The following DNAH10 variants were observed in gnomAD, a reference collection of about 807,000 sequenced individuals.
The protein encoded by DNAH10 is dynein axonemal heavy chain 10.
Under a neutral mutation model 506.6 loss-of-function variants are expected in DNAH10, and 348 were observed. That is an observed-to-expected ratio of 0.69 (90% CI 0.63 to 0.75). The LOEUF is 0.75. DNAH10 is among the 30% of genes least tolerant of loss of function. The probability of loss-of-function intolerance (pLI) is 0.00; values close to 1 mark genes in which losing one functional copy is unlikely to be tolerated. For synonymous variants in DNAH10, 2,059 were observed against 2,198.6 expected, an observed-to-expected ratio of 0.94 and a Z score of 1.78; for missense variants, 5,179 against 5,787.1, an observed-to-expected ratio of 0.89 and a Z score of 3.41.
chr12:123,780,323 A>T (rs1324984263), intron 5 of DNAH10, among the ~76,000 whole-genome samples: 1 of 151,802 alleles, frequency 6.6e-6, no homozygotes, highest in Non-Finnish European at 1.5e-5. Context: ...GCACCACCAC[A>T]CCCAGCTGAT....
At chr12:123,786,875 C>T (rs981871334) in intron 9 of DNAH10, among the ~76,000 whole-genome samples, 2 of 152,086 alleles carry the variant, frequency 1.3e-5, no homozygotes, top group African/African-American at 2.4e-5. Context: ...CGGTGGCTCA[C>T]GCCTGTAATT....
chr12:123,866,228 A>ATTTTT (rs1951800307), intron 41 of DNAH10, among the ~76,000 whole-genome samples, 155 bp downstream of exon 41: 3 of 54,310 alleles, frequency 5.5e-5, no homozygotes, highest in Non-Finnish European at 8.1e-5. Flanking sequence ...TGGCAGACAC[A>ATTTTT]CTTTTTTTTT....
At chr12:123,887,582 T>C (rs1352149333) in intron 52 of DNAH10, among the ~76,000 whole-genome samples, 1 of 152,080 alleles carries the variant, frequency 6.6e-6, no homozygotes, top group Non-Finnish European at 1.5e-5. Flanking sequence ...CATCTGGCCG[T>C]GCCCCGGGCT....
At chr12:123,843,507 G>A (rs932461015) in intron 30 of DNAH10, among the ~76,000 whole-genome samples, 2 of 152,036 alleles carry the variant, frequency 1.3e-5, no homozygotes, top group African/African-American at 2.4e-5. Flanking sequence ...TTAGGTTTTC[G>A]CTGCACCACA....
intron 34 of DNAH10, among the ~76,000 whole-genome samples, chr12:123,849,722 A>G (rs1426754398): frequency 6.6e-6 from 1 of 152,084 alleles, no homozygotes; most frequent in African/African-American, 2.4e-5. Flanking sequence ...ACTCCTATAC[A>G]TCCTTTAGAG....
intron 37 of DNAH10, among the ~76,000 whole-genome samples, chr12:123,857,682 C>T (rs536670851): frequency 2.6e-4 from 39 of 152,340 alleles, no homozygotes; most frequent in African/African-American, 9.1e-4. Context: ...GAGCCAAGAT[C>T]GTGCCACTGC....
Position 123,881,699 on chromosome 12 carries a change from A to T in DNAH10, c.8709A>T (p.Leu2903Phe), listed in dbSNP as rs1428743263. 1.9e-5 allele frequency: 30 copies of T among 1,550,468 alleles called. No individual in the cohort carries two copies. Among genetic ancestry groups the T allele is most frequent in the African/African-American group, 2.7e-5 (2 of 72,964 alleles). ...TCTTCGACGATGCTCTGGAGCATTT[A>T]ACCCGGGTGCACCGTATCATCCGCA... ...LVLFDDALEHLTRVHRIIRMD... is the reference protein window; with the variant it reads ...LVLFDDALEHFTRVHRIIRMD... The change falls in exon 51 of 79, where the codon TTA becomes TTT. Residue 2903 changes from leucine to phenylalanine, a missense_variant. This residue lies in a region of DNAH10 where 4,844 missense variants were observed against 5,430.5 expected (regional missense o/e 0.89). Coordinates refer to ENST00000673944, the MANE Select transcript of DNAH10 (RefSeq NM_001372106.1).
chr12:123,935,302 C>T (rs749635487), intron 78 of DNAH10, 33 bp from the exon 79 acceptor site: 12 of 1,590,666 alleles, frequency 7.5e-6, no homozygotes, highest in East Asian at 2.3e-5. Context: ...ACCCTCTCTC[C>T]GTGGGGGCAT....
intron 5 of DNAH10, among the ~76,000 whole-genome samples, chr12:123,779,138 C>T (rs562993596): frequency 2.6e-5 from 4 of 152,178 alleles, no homozygotes; most frequent in South Asian, 2.1e-4. Context: ...CTCCTGACCT[C>T]GCGATTCACC....
chr12:123,781,188 A>C lies in DNAH10; in HGVS notation c.730A>C (p.Met244Leu). 6.2e-7 allele frequency: 1 copy of C among 1,613,952 alleles called. No homozygotes were observed. The highest frequency in any genetic ancestry group is 8.5e-7 in the Non-Finnish European group (1 of 1,179,814). ...SSEHESDLPP[M>L]PGEAVEYHSI... ...TGAGCATGAATCAGACCTGCCGCCC[A>C]TGCCTGGGGAGGCAGTAGAATATCA... Residue 244 changes from methionine to leucine, a missense_variant, in exon 6 of 79, where the codon ATG (methionine) becomes CTG (leucine). By Grantham distance (15) the Met-to-Leu change is conservative. Transcript: ENST00000673944.
chr12:123,864,743 T>G lies in DNAH10; in HGVS notation c.7044+13T>G, dbSNP rs1192115180. 1.9e-6 allele frequency: 3 copies of G among 1,592,496 alleles called. No homozygotes were observed. Among genetic ancestry groups the G allele is most frequent in the Non-Finnish European group, 1.7e-6 (2 of 1,171,974 alleles). ...CCTGCTCTTTGAGGCAAGTAGTGAT[T>G]AAAAGTAAATTTGAACATAAATCTT... On this transcript the variant is annotated intron_variant, in intron 40 of 78. Transcript: ENST00000673944.
Position 123,762,675 on chromosome 12 carries a change from A to G in DNAH10, c.214+125A>G. On this transcript the variant is annotated intron_variant, in intron 1 of 78. Coordinates refer to ENST00000673944, the MANE Select transcript of DNAH10 (RefSeq NM_001372106.1). The surrounding 1 kb of genome is among the most constrained non-coding windows in gnomAD (Gnocchi z 5.0). ...CCCCGGCCTCAGGTGCTGTCCACAA[A>G]CGCTGCCGCCCGCCACGTGCAGGCC... The G allele has an allele frequency of 1.0e-6, 1 of 988,496 alleles. No individual in the cohort carries two copies. The highest frequency in any genetic ancestry group is 1.4e-6 in the Non-Finnish European group (1 of 712,862). The allele number at this position is 988,496 out of a possible 1,614,324, so 61.2% of individuals were successfully genotyped here.
At position 123,837,129 on chromosome 12, in the gene DNAH10, A is replaced by G. The variant is rs1033666532; in HGVS notation, c.4903-1327A>G. ...GCCTCCAAAAGTGCTGGGATTACAG[A>G]TGTGAGCCACTGTGCCCAGCCGGTG... On this transcript the variant is annotated intron_variant, in intron 28 of 78. Coordinates refer to ENST00000673944, the MANE Select transcript of DNAH10 (RefSeq NM_001372106.1). Among the ~76,000 whole-genome samples the G allele has an allele frequency of 3.0e-4, 44 of 146,414 alleles. 1 individual carries two copies. The highest frequency in any genetic ancestry group is 8.3e-4 in the African/African-American group (33 of 39,912).
Position 123,929,230 on chromosome 12 carries a change from T to C in DNAH10, c.12307-45T>C, listed in dbSNP as rs1466776087. ...CATTGTGCACACTCTTCCAAGCTTG[T>C]GGGCCTGCGGTCTCCATCACTGTGT... On this transcript the variant is annotated intron_variant, in intron 70 of 78. Coordinates refer to ENST00000673944, the MANE Select transcript of DNAH10 (RefSeq NM_001372106.1). 3 of 1,542,508 alleles carry C rather than the reference T, an allele frequency of 1.9e-6. No homozygotes were observed. In the African/African-American group the frequency reaches 4.1e-5, roughly 21 times the overall value.
Position 123,772,937 on chromosome 12 carries a change from C to A in DNAH10, c.500C>A (p.Thr167Asn). Residue 167 changes from threonine to asparagine, a missense_variant, in exon 4 of 79, where the codon ACC becomes AAC. By Grantham distance (65) the Thr-to-Asn change is moderately conservative. Coordinates refer to ENST00000673944, the MANE Select transcript of DNAH10 (RefSeq NM_001372106.1). ...DQNVVFFLRN[T>N]KEAISEATDM... ...AACGTGGTGTTTTTCCTCAGAAATA[C>A]CAAAGGTACATTTCTGGCACGTGTG... is the stretch of plus-strand genomic sequence containing the variant. The A allele has an allele frequency of 6.2e-7, 1 of 1,608,152 alleles. No homozygotes were observed. The highest frequency in any genetic ancestry group is 8.5e-7 in the Non-Finnish European group (1 of 1,175,276).
intron 18 of DNAH10, among the ~76,000 whole-genome samples, chr12:123,806,380 C>T (rs772623548): frequency 6.6e-6 from 1 of 152,094 alleles, no homozygotes; most frequent in African/African-American, 2.4e-5. Flanking sequence ...GTGACTCGTC[C>T]GGGACCACAC....
intron 9 of DNAH10, among the ~76,000 whole-genome samples, chr12:123,786,339 A>ATT (rs528766304): frequency 1.1e-4 from 15 of 138,604 alleles, no homozygotes; most frequent in African/African-American, 3.9e-4. Context: ...AGTACAATTC[A>ATT]TTTTTTTTTT....
intron 25 of DNAH10, among the ~76,000 whole-genome samples, chr12:123,829,973 C>A (rs76431055): frequency 6.6e-6 from 1 of 152,202 alleles, no homozygotes; most frequent in Admixed American, 6.5e-5. Flanking sequence ...TGGGCCCCTT[C>A]ATACCTCCTC....
At chr12:123,835,355 T>G (rs1009980519) in intron 27 of DNAH10, 51 bp from the exon 28 acceptor site, 1 of 1,596,634 alleles carries the variant, frequency 6.3e-7, no homozygotes. Context: ...CCATCCACTT[T>G]TGGAGGTATC....
Sources: gnomAD v4.1 joint callset for allele counts (sites outside exome capture counted in the v4.1 genomes callset) on GRCh38, gnomAD v4.1.1 for gene constraint, gnomAD v4.1.1 regional missense constraint, Gnocchi (gnomAD v3.1) non-coding constraint, MANE v1.5 for transcripts, NCBI Gene and HGNC (gene_info 2026-07-23, HGNC 2026-07-21) for gene names.